DENND4C: variants seen among roughly 807,000 people sequenced by gnomAD.
DENND4C encodes the protein DENN domain containing 4C.
In DENND4C, 108 loss-of-function variants were observed where a neutral mutation model predicts 203.0. The observed-to-expected ratio is 0.53, with a 90% CI of 0.46 to 0.62. The LOEUF (loss-of-function observed/expected upper bound fraction) is 0.62. DENND4C is among the 20% of genes least tolerant of loss of function. The probability of loss-of-function intolerance (pLI) is 0.00; values close to 1 mark genes in which losing one functional copy is unlikely to be tolerated. For missense variants in DENND4C, 2,481 were observed against 2,301.2 expected (o/e 1.08, Z -1.60); for synonymous variants, 871 against 792.4 (o/e 1.10, Z -1.67).
In DENND4C at chr9:19,358,239, G is replaced by T. The variant is rs937677424; in HGVS notation, c.5160+79G>T. 2.8e-4 allele frequency: 322 copies of T among 1,163,538 alleles called. No individual in the cohort carries two copies. The highest frequency in any genetic ancestry group is 3.7e-4 in the Non-Finnish European group (313 of 853,100). 72.1% of individuals were successfully genotyped at this position (1,163,538 alleles called of 1,614,324 possible). On this transcript the variant is annotated intron_variant, in intron 28 of 32. Coordinates refer to ENST00000434457, the MANE Select transcript of DENND4C (RefSeq NM_001330640.2). This position sits in a 1 kb window ranked among gnomAD's most constrained non-coding sequence, Gnocchi z 4.8. ...GTAGAACATTATAAATTCTTCTGTAGTGGACTTATTTTAATTACATGAAAA... is the reference window on the plus strand; with the variant it reads ...GTAGAACATTATAAATTCTTCTGTATTGGACTTATTTTAATTACATGAAAA...
chr9:19,275,654 A>G (rs1464467948), intron 1 of DENND4C, among the ~76,000 whole-genome samples: 6 of 151,834 alleles, frequency 4.0e-5, no homozygotes, highest in Non-Finnish European at 8.8e-5. Flanking sequence ...GTATTTTTGT[A>G]GAGATGGGGT....
At chr9:19,294,358 G>C (rs1836985833) in intron 5 of DENND4C, among the ~76,000 whole-genome samples, 1 of 152,066 alleles carries the variant, frequency 6.6e-6, no homozygotes, top group Non-Finnish European at 1.5e-5. Flanking sequence ...TAAAGAGTTT[G>C]AAGACAGAGG....
At chr9:19,268,004 T>A (rs550867923) in intron 1 of DENND4C, among the ~76,000 whole-genome samples, 1 of 152,270 alleles carries the variant, frequency 6.6e-6, no homozygotes, top group South Asian at 2.1e-4. Context: ...TTTCCTTCCT[T>A]CCTTCCCATC....
intron 1 of DENND4C, among the ~76,000 whole-genome samples, chr9:19,238,469 TCTCCCC>T (rs1822644341): frequency 1.1e-4 from 1 of 8,930 alleles, no homozygotes; most frequent in Non-Finnish European, 2.0e-4. Flanking sequence ...CTCCCCTCCC[TCTCCCC>T]TCCCCTCCCC....
At chr9:19,308,325 T>A (rs1228465370) in intron 10 of DENND4C, among the ~76,000 whole-genome samples, 4 of 152,214 alleles carry the variant, frequency 2.6e-5, no homozygotes, top group African/African-American at 9.6e-5. Flanking sequence ...TTGTTTCATA[T>A]CTTTGCCAAC....
At chr9:19,321,925 G>A (rs1046066223) in intron 12 of DENND4C, among the ~76,000 whole-genome samples, 1 of 151,972 alleles carries the variant, frequency 6.6e-6, no homozygotes, top group Admixed American at 6.6e-5. Flanking sequence ...TCATGTGATG[G>A]TTTGTCCTTA....
intron 1 of DENND4C, among the ~76,000 whole-genome samples, chr9:19,263,318 C>T (rs566483452): frequency 3.1e-4 from 47 of 152,006 alleles, no homozygotes; most frequent in Admixed American, 5.9e-4. Context: ...CTTTTTAATA[C>T]GTTGTTGAAT....
intron 1 of DENND4C, among the ~76,000 whole-genome samples, chr9:19,249,042 C>T (rs1289957998): frequency 6.6e-6 from 1 of 152,130 alleles, no homozygotes; most frequent in Non-Finnish European, 1.5e-5. Context: ...CCACCCTTCT[C>T]GGTCTCCCAA....
intron 20 of DENND4C, among the ~76,000 whole-genome samples, chr9:19,340,372 CT>C (rs1268909158): frequency 2.0e-5 from 3 of 152,204 alleles, no homozygotes; most frequent in Non-Finnish European, 2.9e-5. Flanking sequence ...TAGTCCTCCC[CT>C]GGCCCTTTCA....
rs1825822014 is a variant in DENND4C, at chr9:19,358,388, T to C, written c.5160+228T>C. Among the ~76,000 whole-genome samples the C allele has an allele frequency of 1.3e-5, 2 of 152,226 alleles. No individual in the cohort carries two copies. Among genetic ancestry groups the C allele is most frequent in the Admixed American group, 1.3e-4 (2 of 15,288 alleles). The stretch of plus-strand genomic sequence containing the variant: ...CAGTTATTTTCAGTTTATGGCATTC[T>C]TCTTTTATGTATATTCTCATTCAGT... On this transcript the variant is annotated intron_variant, in intron 28 of 32. Coordinates refer to ENST00000434457, the MANE Select transcript of DENND4C (RefSeq NM_001330640.2). This position sits in a 1 kb window ranked among gnomAD's most constrained non-coding sequence, Gnocchi z 4.8.
chr9:19,271,973 A>G (rs1392111025), intron 1 of DENND4C, among the ~76,000 whole-genome samples: 1 of 152,164 alleles, frequency 6.6e-6, no homozygotes, highest in African/African-American at 2.4e-5. Context: ...AATCAGAACC[A>G]TGTAGTACTG....
intron 26 of DENND4C, among the ~76,000 whole-genome samples, 154 bp from the exon 27 acceptor site, chr9:19,356,818 T>G (rs112809422): frequency 6.2e-5 from 7 of 113,052 alleles, no homozygotes; most frequent in African/African-American, 2.8e-4. Context: ...AGAGAGAGAG[T>G]GAGAGTGTAT....
intron 10 of DENND4C, among the ~76,000 whole-genome samples, chr9:19,314,394 C>T (rs1167918582): frequency 1.3e-5 from 2 of 152,046 alleles, no homozygotes; most frequent in Non-Finnish European, 2.9e-5. Context: ...GTGGAGGTTG[C>T]AGTGAGCCAA....
chr9:19,267,637 G>A lies in DENND4C; in HGVS notation c.-17-8521G>A, dbSNP rs575277781. Among the ~76,000 whole-genome samples, 6 of 144,648 alleles carry A rather than the reference G, an allele frequency of 4.1e-5. No individual in the cohort carries two copies. The East Asian group carries it at 1.2e-3, about 28-fold the overall frequency. 94.9% of individuals were successfully genotyped at this position (144,648 alleles called of 152,430 possible). A position where few individuals can be genotyped will look rare whatever the true frequency, so the allele number is the denominator to read the frequency against. ...CTGTGACCTGAAACTCCTGAGCTCA[G>A]GGGATCTTCCCACCTCAGCTTCCCA... On this transcript the variant is annotated intron_variant, in intron 1 of 32. Coordinates refer to ENST00000434457, the MANE Select transcript of DENND4C (RefSeq NM_001330640.2).
chr9:19,238,320 G>A (rs1822556233), intron 1 of DENND4C, among the ~76,000 whole-genome samples: 1 of 151,952 alleles, frequency 6.6e-6, no homozygotes. Context: ...GATCTCAGGT[G>A]ATCTGCCGGC....
At chr9:19,241,385 A>T (rs1252010340) in intron 1 of DENND4C, among the ~76,000 whole-genome samples, 1 of 149,560 alleles carries the variant, frequency 6.7e-6, no homozygotes, top group Admixed American at 6.7e-5. Flanking sequence ...TAAAAAATGA[A>T]TTTTTTTTTT....
intron 1 of DENND4C, among the ~76,000 whole-genome samples, chr9:19,237,766 A>G (rs184505209): frequency 6.6e-6 from 1 of 152,276 alleles, no homozygotes; most frequent in Admixed American, 6.5e-5. Context: ...GATTAATGCT[A>G]TCCTCTAGAA....
Position 19,346,031 on chromosome 9 carries a change from C to G in DENND4C, c.3262C>G (p.His1088Asp). The change falls in exon 23 of 33, where the codon CAT (histidine) becomes GAT (aspartate). Residue 1088 changes from histidine (H) to aspartate (D), a missense_variant. By Grantham distance (81) the His-to-Asp change is moderately conservative. Transcript: ENST00000434457. Reference sequence around the variant, plus strand: ...TGATAGAGGAGAAAAAAGACAAAAGCATTTTCCTGAGAGGAGTTGTAGTTT... The same window carrying G: ...TGATAGAGGAGAAAAAAGACAAAAGGATTTTCCTGAGAGGAGTTGTAGTTT... ...NGDRGEKRQK[H>D]FPERSCSFSS... The G allele has an allele frequency of 6.2e-7, 1 of 1,614,088 alleles. No homozygotes were observed. Among genetic ancestry groups the G allele is most frequent in the South Asian group, 1.1e-5 (1 of 91,078 alleles).
intron 18 of DENND4C, among the ~76,000 whole-genome samples, chr9:19,335,598 T>G (rs139558529): frequency 1.9e-4 from 29 of 152,172 alleles, no homozygotes; most frequent in Non-Finnish European, 4.0e-4. Context: ...ATATGTGAGA[T>G]CTTGCGGTAT....
Sources: gnomAD v4.1 joint callset for allele counts (sites outside exome capture counted in the v4.1 genomes callset) on GRCh38, gnomAD v4.1.1 for gene constraint, Gnocchi (gnomAD v3.1) non-coding constraint, MANE v1.5 for transcripts, NCBI Gene and HGNC (gene_info 2026-07-23, HGNC 2026-07-21) for gene names.